The following NOP9 variants were observed in gnomAD, a reference collection of about 807,000 sequenced individuals.
NOP9 encodes the protein nucleolar protein 9.
A neutral mutation model predicts 63.0 loss-of-function variants in NOP9; 50 were observed. That is an observed-to-expected ratio of 0.79 (90% CI 0.63 to 1.00). NOP9 has a LOEUF of 1.00. Among genes scored for constraint, NOP9 ranks in the 50% least tolerant of loss-of-function variants. The pLI is 0.00. For missense variants in NOP9, 758 were observed against 803.0 expected, an observed-to-expected ratio of 0.94 and a Z score of 0.68; for synonymous variants, 343 against 332.8, an observed-to-expected ratio of 1.03 and a Z score of -0.33.
At chr14:24,289,357 G>A in the NOP9 span, among the ~76,000 whole-genome samples, 59,250 of 151,972 alleles carry the variant, frequency 0.39, 12,880 homozygotes, top group Middle Eastern at 0.57. Context: ...AAACTTCTGG[G>A]CTCAAGCGAT....
the NOP9 span, among the ~76,000 whole-genome samples, chr14:24,284,103 C>T: frequency 6.6e-6 from 1 of 152,162 alleles, no homozygotes; most frequent in African/African-American, 2.4e-5. Flanking sequence ...GGAGCTGAGA[C>T]AGAGGTGAGG....
Position 24,306,131 on chromosome 14 carries a change from C to T in NOP9, c.*1036C>T. ...TCCCGTCCCAGGCCATATGACAGCA[C>T]TCCACTCTGTAGGACACCCTTGTCA... On this transcript the variant is annotated 3_prime_UTR_variant, in exon 10 of 10. Transcript: ENST00000267425. 5 of 1,613,454 alleles carry T rather than the reference C, an allele frequency of 3.1e-6. No homozygotes were observed. Among genetic ancestry groups the T allele is most frequent in the Non-Finnish European group, 4.2e-6 (5 of 1,179,682 alleles).
Position 24,304,493 on chromosome 14 carries a change from G to C in NOP9, c.1648G>C (p.Gly550Arg), listed in dbSNP as rs759166378. The change falls in exon 9 of 10, where the codon GGA becomes CGA. Residue 550 changes from glycine (G) to arginine (R), a missense_variant and splice_region_variant. Gly to Arg is a moderately radical substitution (Grantham distance 125). Coordinates refer to ENST00000267425, the MANE Select transcript of NOP9 (RefSeq NM_174913.3). ...LRRRVLQNLK[G>R]QYVALACSRH... ...ACCTACTTTGCTTGTCTCCATACAGGGACAATATGTGGCTCTGGCCTGTAG... is the reference window on the plus strand; with the variant it reads ...ACCTACTTTGCTTGTCTCCATACAGCGACAATATGTGGCTCTGGCCTGTAG... The C allele has an allele frequency of 5.0e-6, 8 of 1,605,362 alleles. No individual in the cohort carries two copies. The highest frequency in any genetic ancestry group is 6.8e-6 in the Non-Finnish European group (8 of 1,177,038).
the NOP9 span, among the ~76,000 whole-genome samples, chr14:24,280,399 T>G: frequency 2.0e-5 from 3 of 152,278 alleles, no homozygotes; most frequent in Admixed American, 2.0e-4. Context: ...CAAGTGCCTC[T>G]TCTGTTCCTC....
At chr14:24,286,885 C>T in the NOP9 span, among the ~76,000 whole-genome samples, 7 of 150,290 alleles carry the variant, frequency 4.7e-5, no homozygotes, top group Admixed American at 1.3e-4. Context: ...TGTGAGCCAC[C>T]GCGCCCGGCC....
chr14:24,273,999 G>A, the NOP9 span, among the ~76,000 whole-genome samples: 4 of 152,146 alleles, frequency 2.6e-5, no homozygotes, highest in Admixed American at 6.5e-5. Flanking sequence ...ACTAAGTAAG[G>A]GCTCAGTATA....
At chr14:24,299,218 G>A, upstream of NOP9, 2 of 1,271,524 alleles carry the variant, frequency 1.6e-6, no homozygotes, top group Non-Finnish European at 2.1e-6. Context: ...AACCTCACTA[G>A]GGCTAAGAGG....
Position 24,302,398 on chromosome 14 carries a change from C to T in NOP9, c.1117C>T (p.Leu373=), listed in dbSNP as rs780193901. Residue 373 remains leucine (L), a synonymous_variant, in exon 5 of 10, where the codon CTG becomes TTG. Transcript: ENST00000267425. ...PIANFPLQRL[L]DAVTTPELLS... is the part of the protein sequence containing the mutation. ...TGCCAACTTCCCTTTGCAGCGCTTACTGGATGCAGTCACTACCCCTGAGCT... is the reference window on the plus strand; with the variant it reads ...TGCCAACTTCCCTTTGCAGCGCTTATTGGATGCAGTCACTACCCCTGAGCT... The T allele has an allele frequency of 5.6e-6, 9 of 1,612,866 alleles. No homozygotes were observed. The Admixed American group carries it at 8.3e-5, about 15-fold the overall frequency.
rs535207829 is a variant in NOP9 at position 24,307,170 on chromosome 14, C to T, written c.*2075C>T. 2 of 533,328 alleles carry T rather than the reference C, an allele frequency of 3.8e-6. No homozygotes were observed. The highest frequency in any genetic ancestry group is 2.8e-5 in the South Asian group (1 of 35,438). The allele number at this position is 533,328 out of a possible 1,614,324, so 33.0% of individuals were successfully genotyped here. On this transcript the variant is annotated 3_prime_UTR_variant, in exon 10 of 10. Transcript: ENST00000267425. ...CGAACTCTCCCTATCTCCTGCTAAC[C>T]CCTGCTCCCATAGAAAAGCTCACTC...
chr14:24,271,356 G>A, the NOP9 span: 79 of 420,228 alleles, frequency 1.9e-4, no homozygotes, highest in South Asian at 4.1e-3. Flanking sequence ...CCTTCCTATA[G>A]CCCGATTCGC....
Position 24,303,149 on chromosome 14 carries a change from G to T in NOP9, c.1219G>T (p.Ala407Ser). The T allele has an allele frequency of 1.2e-6, 2 of 1,613,638 alleles. No homozygotes were observed. Among genetic ancestry groups the T allele is most frequent in the Non-Finnish European group, 1.7e-6 (2 of 1,179,796 alleles). The change falls in exon 6 of 10, where the codon GCC (alanine) becomes TCC (serine). Residue 407 changes from alanine to serine, a missense_variant. Ala to Ser is a moderately conservative substitution (Grantham distance 99). Transcript: ENST00000267425. ...LAQGHPGVVI[A>S]LVGACRRVGA... is the part of the protein sequence containing the mutation. ...CCAGGGCCACCCAGGGGTAGTCATTGCCCTGGTGGGGGCCTGTCGCAGAGT... is the reference window on the plus strand; with the variant it reads ...CCAGGGCCACCCAGGGGTAGTCATTTCCCTGGTGGGGGCCTGTCGCAGAGT...
Position 24,306,268 on chromosome 14 carries a change from A to G in NOP9, c.*1173A>G. On this transcript the variant is annotated 3_prime_UTR_variant, in exon 10 of 10. Coordinates refer to ENST00000267425, the MANE Select transcript of NOP9 (RefSeq NM_174913.3). ...TGTGTGACATCCTTGACAATTCCAC[A>G]ACTCCTCCTGCACCTGGTCCCCAGG... 1.9e-6 allele frequency: 3 copies of G among 1,546,138 alleles called. No homozygotes were observed. Among genetic ancestry groups the G allele is most frequent in the Non-Finnish European group, 2.7e-6 (3 of 1,128,190 alleles).
chr14:24,274,421 G>T, the NOP9 span, among the ~76,000 whole-genome samples: 2 of 152,156 alleles, frequency 1.3e-5, no homozygotes, highest in Non-Finnish European at 2.9e-5. Flanking sequence ...TGACGTGAAG[G>T]TGGGGGAGAG....
the NOP9 span, among the ~76,000 whole-genome samples, chr14:24,274,841 C>T: frequency 6.6e-6 from 1 of 150,906 alleles, no homozygotes; most frequent in African/African-American, 2.4e-5. Flanking sequence ...ATCTCCTGAC[C>T]TCGTGATCTG....
At chr14:24,276,248 G>A in the NOP9 span, among the ~76,000 whole-genome samples, 9 of 151,366 alleles carry the variant, frequency 5.9e-5, no homozygotes, top group East Asian at 2.0e-4. Flanking sequence ...GTGGTGGTAC[G>A]TGCCTGTAGT....
intron 5 of NOP9, 65 bp downstream of exon 5, chr14:24,302,489 G>T: frequency 6.8e-7 from 1 of 1,471,424 alleles, no homozygotes; most frequent in Non-Finnish European, 9.3e-7. Context: ...TTATTTTATG[G>T]TCTGTCTGCC....
the NOP9 span, among the ~76,000 whole-genome samples, chr14:24,272,327 G>C: frequency 7.2e-5 from 11 of 152,158 alleles, no homozygotes; most frequent in African/African-American, 2.7e-4. Context: ...ATATCACCTG[G>C]TGTCCCAGAG....
At chr14:24,290,821 G>T in the NOP9 span, 2 of 1,612,088 alleles carry the variant, frequency 1.2e-6, no homozygotes, top group South Asian at 2.2e-5. Context: ...AAGTCCAAAT[G>T]AGAAGACAAG....
chr14:24,274,219 A>G, the NOP9 span, among the ~76,000 whole-genome samples: 1 of 152,170 alleles, frequency 6.6e-6, no homozygotes, highest in East Asian at 1.9e-4. Context: ...GATGCCCTCA[A>G]GTGCAGATTT....
Sources: gnomAD v4.1 joint callset for allele counts (sites outside exome capture counted in the v4.1 genomes callset) on GRCh38, gnomAD v4.1.1 for gene constraint, MANE v1.5 for transcripts, NCBI Gene and HGNC (gene_info 2026-07-23, HGNC 2026-07-21) for gene names.